The following SIPA1L3 variants were observed in gnomAD, a reference collection of about 807,000 sequenced individuals.
The protein encoded by SIPA1L3 is signal induced proliferation associated 1 like 3, also known as signal-induced proliferation-associated 1-like protein 3.
Under a neutral mutation model 150.1 loss-of-function variants are expected in SIPA1L3, and 59 were observed. The observed-to-expected ratio is 0.39, with a 90% CI of 0.32 to 0.49. SIPA1L3 has a LOEUF of 0.49. Ranked by LOEUF, SIPA1L3 falls within the 20% of genes least tolerant of loss-of-function variation. The pLI is 0.86. For synonymous variants in SIPA1L3, 1,070 were observed against 1,077.6 expected, an observed-to-expected ratio of 0.99 and a Z score of 0.14; for missense variants, 2,211 against 2,489.5, an observed-to-expected ratio of 0.89 and a Z score of 2.38.
intron 17 of SIPA1L3, 21 bp downstream of exon 17, chr19:38,192,331 C>A (rs778939624): frequency 1.4e-5 from 22 of 1,562,258 alleles, no homozygotes; most frequent in South Asian, 9.6e-5. Context: ...CCCTGTCCCC[C>A]GCTCCCGACC....
chr19:37,929,279 C>T (rs1192798070), intron 1 of SIPA1L3, among the ~76,000 whole-genome samples: 1 of 152,116 alleles, frequency 6.6e-6, no homozygotes, highest in Non-Finnish European at 1.5e-5. Context: ...ATCAGAGTAC[C>T]ATTTAGGAAA....
rs3745941 is a variant in SIPA1L3, at chr19:37,941,859, C to T, written c.-379+34501C>T. On this transcript the variant is annotated intron_variant, in intron 1 of 21. Coordinates refer to ENST00000222345, the MANE Select transcript of SIPA1L3 (RefSeq NM_015073.3). Reference sequence around the variant, plus strand: ...AAAAGAACAATAAAGGGCTCTACTCCATTGCAGAGGCAAGCCCTGGTAACC... The same window carrying T: ...AAAAGAACAATAAAGGGCTCTACTCTATTGCAGAGGCAAGCCCTGGTAACC... Among the ~76,000 whole-genome samples, 1,071 of 152,308 alleles carry T rather than the reference C, an allele frequency of 7.0e-3. 34 individuals are homozygous for T. Among genetic ancestry groups the T allele is most frequent in the East Asian group, 0.069 (356 of 5,184 alleles).
intron 12 of SIPA1L3, among the ~76,000 whole-genome samples, chr19:38,150,290 T>C (rs1016623225): frequency 1.3e-5 from 2 of 151,834 alleles, no homozygotes; most frequent in Non-Finnish European, 2.9e-5. Context: ...TTTCAGAGAG[T>C]GCAGTGCCCC....
chr19:38,134,499 G>A (rs1429892372), intron 10 of SIPA1L3, among the ~76,000 whole-genome samples: 1 of 148,244 alleles, frequency 6.7e-6, no homozygotes, highest in Non-Finnish European at 1.5e-5. Flanking sequence ...ATGAGGTCAG[G>A]AGTTTGAGAC....
intron 1 of SIPA1L3, among the ~76,000 whole-genome samples, chr19:37,924,773 G>T (rs867769606): frequency 2.6e-5 from 4 of 152,050 alleles, no homozygotes; most frequent in African/African-American, 9.7e-5. Context: ...CATGGGCTGG[G>T]TGTGGTGGCT....
At chr19:37,971,293 T>G (rs760676431) in intron 1 of SIPA1L3, among the ~76,000 whole-genome samples, 1 of 152,062 alleles carries the variant, frequency 6.6e-6, no homozygotes, top group Non-Finnish European at 1.5e-5. Flanking sequence ...TTTGCCCTTT[T>G]AAAACATTTG....
intron 1 of SIPA1L3, among the ~76,000 whole-genome samples, chr19:37,948,937 C>CT (rs1454018720): frequency 6.6e-6 from 1 of 152,206 alleles, no homozygotes; most frequent in African/African-American, 2.4e-5. Context: ...AGCTTGTTCC[C>CT]AGCAATTCAC....
chr19:38,034,600 C>T (rs1968737898), intron 2 of SIPA1L3, among the ~76,000 whole-genome samples: 1 of 152,126 alleles, frequency 6.6e-6, no homozygotes, highest in African/African-American at 2.4e-5. Context: ...AGGGCAGAGC[C>T]CAGCAGTGTG....
At chr19:38,014,047 C>T (rs1461825091) in intron 1 of SIPA1L3, among the ~76,000 whole-genome samples, 3 of 152,258 alleles carry the variant, frequency 2.0e-5, no homozygotes, top group South Asian at 2.1e-4. Context: ...CTGCTCAGCC[C>T]GGCATTCTGC....
intron 18 of SIPA1L3, among the ~76,000 whole-genome samples, chr19:38,194,367 T>C (rs1972874136): frequency 2.1e-5 from 3 of 143,116 alleles, no homozygotes; most frequent in Admixed American, 1.4e-4. Flanking sequence ...ACCCACCTCC[T>C]AACCCCCCCA....
chr19:37,954,046 G>T (rs1388548919), intron 1 of SIPA1L3, among the ~76,000 whole-genome samples: 2 of 152,062 alleles, frequency 1.3e-5, no homozygotes, highest in African/African-American at 4.8e-5. Flanking sequence ...CATTTTGAAG[G>T]TCGAATGTAA....
At position 38,152,831 on chromosome 19, in the gene SIPA1L3, C is replaced by A; in HGVS notation, c.3534-9C>A. On this transcript the variant is annotated splice_polypyrimidine_tract_variant and intron_variant, in intron 12 of 21. Coordinates refer to ENST00000222345, the MANE Select transcript of SIPA1L3 (RefSeq NM_015073.3). ...TTAACCCTGGGCACGTTCTTCTCAT[C>A]CCCTGCAGGTACACGGCTGCCCCAC... is the stretch of plus-strand genomic sequence containing the variant. 6.2e-7 allele frequency: 1 copy of A among 1,604,590 alleles called. No individual in the cohort carries two copies. Among genetic ancestry groups the A allele is most frequent in the Non-Finnish European group, 8.5e-7 (1 of 1,174,440 alleles).
chr19:38,008,631 G>A (rs996766880), intron 1 of SIPA1L3, among the ~76,000 whole-genome samples: 2 of 151,602 alleles, frequency 1.3e-5, no homozygotes, highest in South Asian at 4.2e-4. Context: ...ATCATAGCTC[G>A]CTGCAGCCTT....
At chr19:38,199,665 G>A (rs938891913) in intron 19 of SIPA1L3, among the ~76,000 whole-genome samples, 1 of 152,172 alleles carries the variant, frequency 6.6e-6, no homozygotes, top group Non-Finnish European at 1.5e-5. Context: ...CCACCATGGA[G>A]GTGCCTCCCC....
At chr19:38,077,672 T>TTC (rs1969875277) in intron 2 of SIPA1L3, among the ~76,000 whole-genome samples, 1 of 110,540 alleles carries the variant, frequency 9.0e-6, no homozygotes. Flanking sequence ...TTTTTTTTTT[T>TTC]TTTTTTTTTT....
intron 1 of SIPA1L3, among the ~76,000 whole-genome samples, chr19:37,922,525 C>T (rs1043069093): frequency 6.6e-6 from 1 of 151,958 alleles, no homozygotes; most frequent in Admixed American, 6.6e-5. Flanking sequence ...TCCCGAGTAG[C>T]TGGGACTACA....
At chr19:37,967,733 A>G (rs10401451) in intron 1 of SIPA1L3, among the ~76,000 whole-genome samples, 1,744 of 152,350 alleles carry the variant, frequency 0.011, 33 homozygotes, top group African/African-American at 0.039. Context: ...ATGGAAAAAA[A>G]TAGGAATGAT....
chr19:38,138,910 A>AAAAAAAAAAAAAAAAAAAAAAAAC (rs1343348254), intron 10 of SIPA1L3, among the ~76,000 whole-genome samples: 1 of 112,784 alleles, frequency 8.9e-6, no homozygotes, highest in African/African-American at 3.8e-5. Context: ...AAAAAAAAAA[A>AAAAAAAAAAAAAAAAAAAAAAAAC]AAAAACTGAG....
chr19:38,058,532 G>T (rs1456595455), intron 2 of SIPA1L3, among the ~76,000 whole-genome samples: 1 of 152,062 alleles, frequency 6.6e-6, no homozygotes, highest in Non-Finnish European at 1.5e-5. Context: ...ACTCCCTCTG[G>T]GCTCGGAGGG....
Sources: allele counts gnomAD v4.1 joint callset (sites outside exome capture counted in the v4.1 genomes callset), GRCh38; gene constraint gnomAD v4.1.1; transcripts MANE v1.5; gene names NCBI Gene and HGNC (gene_info 2026-07-23, HGNC 2026-07-21).